The following AP3S1 variants were observed in gnomAD, a reference collection of about 807,000 sequenced individuals.
AP3S1 encodes the protein AP-3 complex subunit sigma-1.
In AP3S1, 12 loss-of-function variants were observed where a neutral mutation model predicts 21.3. The ratio of observed to expected loss-of-function variants is 0.56; its 90% CI spans 0.36 to 0.91. The LOEUF (loss-of-function observed/expected upper bound fraction) is 0.91, where lower values mean the gene tolerates loss of function less well. Among genes scored for constraint, AP3S1 ranks in the 40% least tolerant of loss-of-function variants. The pLI, the probability that AP3S1 is intolerant of heterozygous loss-of-function variation, is 0.01. For synonymous variants in AP3S1, 48 were observed against 78.4 expected (o/e 0.61, Z 2.05); for missense variants, 116 against 225.0 (o/e 0.52, Z 3.10).
intron 2 of AP3S1, among the ~76,000 whole-genome samples, chr5:115,868,953 G>A (rs1288199318): frequency 9.2e-5 from 2 of 21,754 alleles, no homozygotes; most frequent in Non-Finnish European, 3.0e-4. Context: ...AAGGAAGGAA[G>A]GGAGGGAGGG....
chr5:115,905,927 GATCT>G (rs1359431809), intron 5 of AP3S1, among the ~76,000 whole-genome samples: 2 of 152,190 alleles, frequency 1.3e-5, no homozygotes, highest in African/African-American at 4.8e-5. Context: ...TCACTCAGGT[GATCT>G]GCTCACCTGA....
chr5:115,842,928 T>C (rs1260121676), intron 1 of AP3S1, among the ~76,000 whole-genome samples: 1 of 152,240 alleles, frequency 6.6e-6, no homozygotes, highest in African/African-American at 2.4e-5. Flanking sequence ...GTATGGGAAT[T>C]TGCCCTCATT....
chr5:115,852,846 C>G, intron 1 of AP3S1: 2 of 292,286 alleles, frequency 6.8e-6, no homozygotes, highest in Non-Finnish European at 1.4e-5. Context: ...AATATATATA[C>G]ACTGTATCTT....
chr5:115,869,599 A>G (rs1748041157), intron 2 of AP3S1, among the ~76,000 whole-genome samples: 1 of 152,214 alleles, frequency 6.6e-6, no homozygotes, highest in South Asian at 2.1e-4. Context: ...CCTTATCATT[A>G]GATCTCAGCT....
At chr5:115,889,613 G>A (rs887293061) in intron 3 of AP3S1, among the ~76,000 whole-genome samples, 8 of 152,108 alleles carry the variant, frequency 5.3e-5, no homozygotes, top group Non-Finnish European at 1.2e-4. Flanking sequence ...AGAATGAAAA[G>A]GCAAGCCACA....
At chr5:115,886,371 T>A (rs563688342) in intron 3 of AP3S1, among the ~76,000 whole-genome samples, 71 of 152,220 alleles carry the variant, frequency 4.7e-4, no homozygotes, top group Non-Finnish European at 9.0e-4. Flanking sequence ...CTTCCACCTC[T>A]GCCACCCCTG....
chr5:115,910,509 GA>G (rs202121116), intron 5 of AP3S1, among the ~76,000 whole-genome samples: 1,503 of 143,768 alleles, frequency 0.01, 24 homozygotes, highest in East Asian at 0.042. Flanking sequence ...TATCTTACTG[GA>G]AAAAAAAAAA....
At chr5:115,882,868 G>C (rs533639565) in intron 3 of AP3S1, among the ~76,000 whole-genome samples, 5 of 152,308 alleles carry the variant, frequency 3.3e-5, no homozygotes, top group Admixed American at 3.3e-4. Context: ...CCTGACTGGG[G>C]CTGTTGCCTT....
At chr5:115,910,482 T>C (rs1362212520) in intron 5 of AP3S1, among the ~76,000 whole-genome samples, 2 of 152,104 alleles carry the variant, frequency 1.3e-5, no homozygotes, top group Non-Finnish European at 1.5e-5. Context: ...GTAAAAGTTA[T>C]TTTGTTGCTT....
intron 5 of AP3S1, among the ~76,000 whole-genome samples, chr5:115,906,214 A>G (rs1751642594): frequency 6.6e-6 from 1 of 152,208 alleles, no homozygotes; most frequent in South Asian, 2.1e-4. Flanking sequence ...TGATTGATGA[A>G]AAGAACTGGT....
chr5:115,844,418 G>A (rs1761907413), intron 1 of AP3S1, among the ~76,000 whole-genome samples: 2 of 152,196 alleles, frequency 1.3e-5, no homozygotes, highest in South Asian at 4.1e-4. Context: ...TTTAAAATAG[G>A]GTAGTCTGGT....
chr5:115,897,139 TTAAC>T (rs1448824244), intron 4 of AP3S1, among the ~76,000 whole-genome samples: 1 of 152,224 alleles, frequency 6.6e-6, no homozygotes, highest in Non-Finnish European at 1.5e-5. Flanking sequence ...TTGCCTAGTG[TTAAC>T]ATTTTAGAAT....
chr5:115,889,952 C>T (rs905971584), intron 3 of AP3S1, among the ~76,000 whole-genome samples: 5 of 152,116 alleles, frequency 3.3e-5, no homozygotes, highest in African/African-American at 1.2e-4. Context: ...CCATCATATA[C>T]CACCACACAC....
chr5:115,849,300 A>G (rs896671145), intron 1 of AP3S1, among the ~76,000 whole-genome samples: 8 of 152,222 alleles, frequency 5.3e-5, no homozygotes, highest in African/African-American at 1.7e-4. Flanking sequence ...AGATAGGGTC[A>G]TTGGGAATAC....
chr5:115,882,027 C>T (rs557219311), intron 3 of AP3S1, among the ~76,000 whole-genome samples: 4 of 151,730 alleles, frequency 2.6e-5, no homozygotes, highest in Non-Finnish European at 1.5e-5. Context: ...TGAAGTTCTC[C>T]TGCTGTGTTT....
intron 2 of AP3S1, among the ~76,000 whole-genome samples, chr5:115,867,277 ATTCC>A (rs143426150): frequency 3.5e-3 from 540 of 152,298 alleles, no homozygotes; most frequent in African/African-American, 0.013. Flanking sequence ...ACTACAGAGT[ATTCC>A]TTTTTGTGAA....
At chr5:115,876,105 C>G (rs1748692275) in intron 3 of AP3S1, among the ~76,000 whole-genome samples, 1 of 152,140 alleles carries the variant, frequency 6.6e-6, no homozygotes, top group Non-Finnish European at 1.5e-5. Flanking sequence ...AATCTTGGCT[C>G]TGTCACATAA....
chr5:115,889,092 TTTA>T, intron 3 of AP3S1, among the ~76,000 whole-genome samples: 1 of 152,044 alleles, frequency 6.6e-6, no homozygotes, highest in Non-Finnish European at 1.5e-5. Context: ...CACTCCATAC[TTTA>T]CCAGAGGCAC....
chr5:115,895,606 C>T (rs1339240538), intron 4 of AP3S1, among the ~76,000 whole-genome samples: 1 of 152,142 alleles, frequency 6.6e-6, no homozygotes, highest in African/African-American at 2.4e-5. Context: ...TTAAAACAAC[C>T]ATTAATGCCA....
Sources: allele counts gnomAD v4.1 joint callset (sites outside exome capture counted in the v4.1 genomes callset), GRCh38; gene constraint gnomAD v4.1.1; transcripts MANE v1.5; gene names NCBI Gene and HGNC (gene_info 2026-07-23, HGNC 2026-07-21).